FHIT: variants seen among roughly 807,000 people sequenced by gnomAD.
FHIT encodes fragile histidine triad diadenosine triphosphatase, also known as bis(5'-adenosyl)-triphosphatase.
Under a neutral mutation model 17.9 loss-of-function variants are expected in FHIT, and 19 were observed. That is an observed-to-expected ratio of 1.06 (90% CI 0.74 to 1.56). The LOEUF (loss-of-function observed/expected upper bound fraction) is 1.56, where lower values mean the gene tolerates loss of function less well. FHIT is among the 40% of genes most tolerant of loss of function. FHIT has a pLI of 0.00. For missense variants in FHIT, 248 were observed against 189.2 expected, an observed-to-expected ratio of 1.31 and a Z score of -1.82; for synonymous variants, 81 against 69.7, an observed-to-expected ratio of 1.16 and a Z score of -0.81.
intron 2 of FHIT, among the ~76,000 whole-genome samples, chr3:61,148,633 T>A (rs1290598614): frequency 1.3e-5 from 2 of 152,196 alleles, no homozygotes; most frequent in African/African-American, 4.8e-5. Context: ...TCTCAAGTGC[T>A]TGGCTATTAT....
intron 8 of FHIT, among the ~76,000 whole-genome samples, chr3:59,846,650 A>AT (rs1473591785): frequency 7.2e-5 from 11 of 152,184 alleles, no homozygotes; most frequent in Admixed American, 7.2e-4. Context: ...ACTTACAAAT[A>AT]TATTTACCAA....
At chr3:59,827,452 C>A (rs1345610546) in intron 8 of FHIT, among the ~76,000 whole-genome samples, 1 of 152,202 alleles carries the variant, frequency 6.6e-6, no homozygotes, top group Admixed American at 6.5e-5. Context: ...GTGTGGTTAA[C>A]ATGACATCAA....
chr3:59,996,855 T>C (rs1361076775), intron 7 of FHIT, among the ~76,000 whole-genome samples: 2 of 152,088 alleles, frequency 1.3e-5, no homozygotes, highest in African/African-American at 4.8e-5. Context: ...CTGAGGATAG[T>C]GAAATGACAG....
At chr3:61,034,758 T>C (rs890997128) in intron 3 of FHIT, among the ~76,000 whole-genome samples, 5 of 152,186 alleles carry the variant, frequency 3.3e-5, no homozygotes, top group African/African-American at 1.2e-4. Flanking sequence ...AATTACCATG[T>C]ACCCCAGAAA....
intron 5 of FHIT, among the ~76,000 whole-genome samples, chr3:60,415,203 T>G (rs1344602262): frequency 6.6e-6 from 1 of 152,150 alleles, no homozygotes; most frequent in Non-Finnish European, 1.5e-5. Flanking sequence ...AATTGAAGTT[T>G]TACTATGTGC....
chr3:60,230,516 C>A (rs187103514), intron 5 of FHIT, among the ~76,000 whole-genome samples: 298 of 152,100 alleles, frequency 2.0e-3, no homozygotes, highest in African/African-American at 6.8e-3. Flanking sequence ...TTTTAAAAAT[C>A]GCAGATAGCA....
intron 5 of FHIT, among the ~76,000 whole-genome samples, chr3:60,256,033 C>A (rs1327418488): frequency 6.6e-6 from 1 of 152,068 alleles, no homozygotes; most frequent in African/African-American, 2.4e-5. Context: ...AACCTGGAAA[C>A]CTGCATGAAT....
chr3:59,806,402 T>C (rs1376048918), intron 8 of FHIT, among the ~76,000 whole-genome samples: 1 of 152,190 alleles, frequency 6.6e-6, no homozygotes, highest in Non-Finnish European at 1.5e-5. Flanking sequence ...AAACTGAACC[T>C]AGTTCTTAGA....
intron 5 of FHIT, among the ~76,000 whole-genome samples, chr3:60,354,529 A>T (rs1477654287): frequency 1.3e-5 from 2 of 152,164 alleles, no homozygotes; most frequent in Non-Finnish European, 2.9e-5. Flanking sequence ...CAAGAATTCA[A>T]TGCCAGTTAA....
chr3:60,253,774 A>G (rs907728071), intron 5 of FHIT, among the ~76,000 whole-genome samples: 1 of 152,226 alleles, frequency 6.6e-6, no homozygotes, highest in Non-Finnish European at 1.5e-5. Flanking sequence ...TTCAAGGAGC[A>G]GCACTGGAAA....
chr3:59,904,856 A>T (rs957316376), intron 8 of FHIT, among the ~76,000 whole-genome samples: 3 of 152,242 alleles, frequency 2.0e-5, no homozygotes, highest in African/African-American at 7.2e-5. Flanking sequence ...TAGAATGGGA[A>T]GTGCCTGCTG....
intron 5 of FHIT, among the ~76,000 whole-genome samples, chr3:60,019,215 T>G (rs1385877009): frequency 6.6e-6 from 1 of 152,068 alleles, no homozygotes; most frequent in African/African-American, 2.4e-5. Context: ...CCACATTCTA[T>G]CGGTCAAAGA....
intron 2 of FHIT, among the ~76,000 whole-genome samples, chr3:61,042,481 G>A (rs1426148773): frequency 1.3e-5 from 2 of 152,074 alleles, no homozygotes; most frequent in African/African-American, 4.8e-5. Flanking sequence ...AACAGAATAT[G>A]GGTATATGAG....
At chr3:60,379,634 T>C (rs1700718518) in intron 5 of FHIT, among the ~76,000 whole-genome samples, 2 of 152,150 alleles carry the variant, frequency 1.3e-5, no homozygotes, top group Admixed American at 1.3e-4. Context: ...TTACCTTAAG[T>C]ATTGTTAAGC....
intron 9 of FHIT, chr3:59,750,634 G>C: frequency 4.5e-6 from 1 of 222,880 alleles, no homozygotes; most frequent in Non-Finnish European, 9.0e-6. Flanking sequence ...TGACATGGGA[G>C]AATGAAATAA....
intron 4 of FHIT, chr3:60,553,446 A>G (rs901033056): frequency 7.1e-5 from 31 of 436,258 alleles, no homozygotes; most frequent in African/African-American, 1.1e-4. Context: ...TTTAAAATAT[A>G]TATATATATA....
chr3:60,147,061 C>T (rs980943536), intron 5 of FHIT, among the ~76,000 whole-genome samples: 4 of 152,138 alleles, frequency 2.6e-5, no homozygotes, highest in South Asian at 2.1e-4. Flanking sequence ...AATAAAGGAG[C>T]GGAACTGGTA....
Position 60,393,424 on chromosome 3 carries a change from T to G in FHIT, c.103+143436A>C, listed in dbSNP as rs1701309529. Among the ~76,000 whole-genome samples the G allele has an allele frequency of 2.7e-5, 4 of 149,544 alleles. No individual in the cohort carries two copies. The South Asian group carries it at 8.3e-4, about 31-fold the overall frequency. ...ATAATGTTACATATATAATATATAA[T>G]TTTACATATAACTTATGTATATAAT... On this transcript the variant is annotated intron_variant, in intron 5 of 9. Coordinates refer to ENST00000492590, the MANE Select transcript of FHIT (RefSeq NM_002012.4).
chr3:60,802,574 C>T (rs1553732629), intron 4 of FHIT, among the ~76,000 whole-genome samples: 1 of 152,082 alleles, frequency 6.6e-6, no homozygotes, highest in Non-Finnish European at 1.5e-5. Context: ...TTCAAAATGT[C>T]CTTCATCCTC....
Sources: allele counts gnomAD v4.1 joint callset (sites outside exome capture counted in the v4.1 genomes callset), GRCh38; gene constraint gnomAD v4.1.1; transcripts MANE v1.5; gene names NCBI Gene and HGNC (gene_info 2026-07-23, HGNC 2026-07-21).